The following STIM1 variants were observed in gnomAD, a reference collection of about 807,000 sequenced individuals.
STIM1 encodes stromal interaction molecule 1.
A neutral mutation model predicts 74.7 loss-of-function variants in STIM1; 25 were observed. The observed-to-expected ratio is 0.33, with a 90% CI of 0.24 to 0.47. STIM1 has a LOEUF of 0.47. Among genes scored for constraint, STIM1 ranks in the 20% least tolerant of loss-of-function variants. STIM1 has a pLI of 1.00. For missense variants in STIM1, 728 were observed against 920.8 expected (o/e 0.79, Z 2.71); for synonymous variants, 328 against 348.8 (o/e 0.94, Z 0.66).
At chr11:4,012,961 T>A (rs188876173) in intron 2 of STIM1, among the ~76,000 whole-genome samples, 1 of 152,344 alleles carries the variant, frequency 6.6e-6, no homozygotes, top group Admixed American at 6.5e-5. Context: ...TCAAAGGCCT[T>A]TTCTGCATCT....
intron 3 of STIM1, among the ~76,000 whole-genome samples, chr11:4,047,948 A>T (rs1017132939): frequency 5.9e-5 from 9 of 151,714 alleles, no homozygotes; most frequent in African/African-American, 2.2e-4. Context: ...CCTCCCAAGT[A>T]GCTGGAACTG....
chr11:3,892,847 C>T, intron 1 of STIM1: 2 of 1,608,622 alleles, frequency 1.2e-6, no homozygotes. Flanking sequence ...CAAGGGCTCG[C>T]TGTTGACAGC....
intron 1 of STIM1, among the ~76,000 whole-genome samples, chr11:3,867,871 A>AG (rs1565095366): frequency 0.021 from 2,470 of 118,692 alleles, 58 homozygotes; most frequent in African/African-American, 0.052. Context: ...CAGGCAGGCA[A>AG]GCAGGCAGGC....
chr11:3,973,324 T>C, intron 2 of STIM1: 1 of 451,934 alleles, frequency 2.2e-6, no homozygotes, highest in Non-Finnish European at 4.3e-6. Context: ...CCTCTTTGGC[T>C]AGATGAAACA....
upstream of STIM1, chr11:3,854,996 G>C (rs1422645535): frequency 6.6e-6 from 1 of 152,284 alleles, no homozygotes; most frequent in Admixed American, 6.5e-5. Flanking sequence ...CTCTGCAAAA[G>C]AGCAGGCCCT....
intron 1 of STIM1, among the ~76,000 whole-genome samples, chr11:3,880,545 G>A (rs1328314816): frequency 2.0e-5 from 3 of 152,270 alleles, no homozygotes; most frequent in East Asian, 3.9e-4. Context: ...AGAATTGTTG[G>A]TTCTGGAAAG....
chr11:3,865,136 C>T (rs2090805422), intron 1 of STIM1, among the ~76,000 whole-genome samples: 1 of 152,158 alleles, frequency 6.6e-6, no homozygotes, highest in Non-Finnish European at 1.5e-5. Flanking sequence ...CTCACAATGA[C>T]AGATGAAAAA....
At chr11:4,061,103 A>G (rs1294053700) in intron 5 of STIM1, among the ~76,000 whole-genome samples, 1 of 152,226 alleles carries the variant, frequency 6.6e-6, no homozygotes, top group East Asian at 1.9e-4. Flanking sequence ...CTTGTAATAT[A>G]TATTATCAAG....
chr11:4,040,305 T>A (rs1160233846), intron 3 of STIM1, among the ~76,000 whole-genome samples: 1 of 152,222 alleles, frequency 6.6e-6, no homozygotes, highest in Non-Finnish European at 1.5e-5. Flanking sequence ...TTTCCATCAT[T>A]CCACACCACA....
chr11:3,999,941 C>A (rs986571423), intron 2 of STIM1, among the ~76,000 whole-genome samples: 3 of 152,164 alleles, frequency 2.0e-5, no homozygotes, highest in South Asian at 4.1e-4. Flanking sequence ...TATCCTGCAC[C>A]TGGCTCGGAG....
intron 2 of STIM1, among the ~76,000 whole-genome samples, chr11:3,991,238 C>G (rs1278751290): frequency 1.4e-5 from 2 of 140,448 alleles, no homozygotes; most frequent in African/African-American, 5.3e-5. Flanking sequence ...TGGCATGATT[C>G]CAGCTCACTG....
chr11:4,029,428 AT>A lies in STIM1; in HGVS notation c.385+5445del, dbSNP rs146733715. On this transcript the variant is annotated intron_variant, in intron 3 of 12. Coordinates refer to ENST00000526596, the MANE Select transcript of STIM1 (RefSeq NM_001382567.1). ...CATTGTCTCTTTGTGGAGTTTGCAC[AT>A]TTTCTCCATGTCTGCACGGGCTTTC... 1.1e-3 allele frequency among the ~76,000 whole-genome samples: 171 copies of A among 151,922 alleles called. 1 individual carries two copies. The highest frequency in any genetic ancestry group is 3.9e-3 in the African/African-American group (163 of 41,388).
intron 1 of STIM1, among the ~76,000 whole-genome samples, chr11:3,962,888 A>C (rs1454067407): frequency 6.6e-6 from 1 of 152,200 alleles, no homozygotes; most frequent in Non-Finnish European, 1.5e-5. Context: ...ATTAAGAAGA[A>C]ATAAAATGAA....
intron 1 of STIM1, among the ~76,000 whole-genome samples, chr11:3,946,872 AT>A (rs1480054883): frequency 6.6e-6 from 1 of 152,158 alleles, no homozygotes. Context: ...ACTGTGTGAC[AT>A]TGGGCATAGC....
At chr11:4,027,055 C>T (rs1003094136) in intron 3 of STIM1, among the ~76,000 whole-genome samples, 12 of 152,192 alleles carry the variant, frequency 7.9e-5, no homozygotes, top group Non-Finnish European at 1.5e-5. Flanking sequence ...CCTGAGTCAT[C>T]TTATCAGCCT....
intron 1 of STIM1, among the ~76,000 whole-genome samples, chr11:3,908,571 C>T (rs1250733024): frequency 6.7e-6 from 1 of 148,676 alleles, no homozygotes. Context: ...GAGATCGAGC[C>T]ACTGCACTCC....
rs184322307 is a variant in STIM1, at chr11:4,020,856, G to A, written c.271-3017G>A. ...GATCTCAAGTGATCCTCCCACTTTC[G>A]CTTCCCAAAGTGCCGTGATTACAGG... On this transcript the variant is annotated intron_variant, in intron 2 of 12. Coordinates refer to ENST00000526596, the MANE Select transcript of STIM1 (RefSeq NM_001382567.1). 4.2e-3 allele frequency among the ~76,000 whole-genome samples: 644 copies of A among 151,870 alleles called. 1 individual carries two copies. The highest frequency in any genetic ancestry group is 0.015 in the African/African-American group (614 of 41,378).
rs528937650 is a variant in STIM1, at chr11:4,045,673, A to G, written c.386-9853A>G. Among the ~76,000 whole-genome samples the G allele has an allele frequency of 4.0e-5, 6 of 151,572 alleles. No homozygotes were observed. The South Asian group carries it at 1.2e-3, about 32-fold the overall frequency. On this transcript the variant is annotated intron_variant, in intron 3 of 12. Coordinates refer to ENST00000526596, the MANE Select transcript of STIM1 (RefSeq NM_001382567.1). ...TGTCATATTTCCCAGGTTGGCCTTG[A>G]ATTTCTGGGCTCAGGCGATCCACCT...
intron 1 of STIM1, among the ~76,000 whole-genome samples, chr11:3,886,459 C>T (rs1197366020): frequency 6.6e-6 from 1 of 152,040 alleles, no homozygotes; most frequent in African/African-American, 2.4e-5. Context: ...GAGGCCAAGG[C>T]AGGCAGATCA....
Sources: allele counts gnomAD v4.1 joint callset (sites outside exome capture counted in the v4.1 genomes callset), GRCh38; gene constraint gnomAD v4.1.1; transcripts MANE v1.5; gene names NCBI Gene and HGNC (gene_info 2026-07-23, HGNC 2026-07-21).